Variants in SPMAP2L observed in about 807,000 individuals in gnomAD.
SPMAP2L encodes the protein sperm microtubule associated protein 2 like.
the SPMAP2L span, among the ~76,000 whole-genome samples, chr4:56,570,295 C>T: frequency 2.6e-5 from 4 of 152,240 alleles, no homozygotes; most frequent in Admixed American, 6.5e-5. Context: ...TACAGTTATG[C>T]GTTACTTAAT....
the SPMAP2L span, among the ~76,000 whole-genome samples, chr4:56,556,922 CA>C: frequency 6.6e-6 from 1 of 151,686 alleles, no homozygotes; most frequent in African/African-American, 2.4e-5. Context: ...AAGCCTGGAG[CA>C]CGTGCTATTG....
chr4:56,592,417 T>C, the SPMAP2L span, among the ~76,000 whole-genome samples: 3 of 152,222 alleles, frequency 2.0e-5, no homozygotes, highest in African/African-American at 7.2e-5. Context: ...CCTCAATGTC[T>C]TTAGTTTAAC....
chr4:56,563,688 C>T, the SPMAP2L span, among the ~76,000 whole-genome samples: 1 of 152,200 alleles, frequency 6.6e-6, no homozygotes, highest in Non-Finnish European at 1.5e-5. Flanking sequence ...CTGGAAAGGG[C>T]CAGATAGTAA....
At chr4:56,544,097 T>G in the SPMAP2L span, among the ~76,000 whole-genome samples, 1 of 152,034 alleles carries the variant, frequency 6.6e-6, no homozygotes, top group African/African-American at 2.4e-5. Flanking sequence ...CAAGTGATTC[T>G]CGTGCCTCAG....
At chr4:56,559,489 A>G in the SPMAP2L span, 1 of 1,531,236 alleles carries the variant, frequency 6.5e-7, no homozygotes, top group Middle Eastern at 1.7e-4. Flanking sequence ...TGCCCAGCCC[A>G]AGGAAGTTTC....
the SPMAP2L span, among the ~76,000 whole-genome samples, chr4:56,537,015 C>T: frequency 5.9e-5 from 9 of 152,156 alleles, 1 homozygote; most frequent in Admixed American, 5.9e-4. Context: ...CCGCTCACCT[C>T]AGCCTCACAA....
the SPMAP2L span, among the ~76,000 whole-genome samples, chr4:56,573,604 G>A: frequency 3.3e-5 from 5 of 152,240 alleles, no homozygotes; most frequent in South Asian, 8.3e-4. Context: ...ATTGTTCAAA[G>A]TCACCACTTC....
the SPMAP2L span, among the ~76,000 whole-genome samples, chr4:56,537,771 C>A: frequency 6.6e-6 from 1 of 151,948 alleles, no homozygotes; most frequent in Non-Finnish European, 1.5e-5. Flanking sequence ...CGGCTCACTA[C>A]AAGCTCCACC....
chr4:56,577,788 T>C, the SPMAP2L span, among the ~76,000 whole-genome samples: 1 of 152,146 alleles, frequency 6.6e-6, no homozygotes, highest in African/African-American at 2.4e-5. Context: ...AAAGGACAGT[T>C]ATCCTGGGCA....
the SPMAP2L span, among the ~76,000 whole-genome samples, chr4:56,543,062 T>C: frequency 6.6e-6 from 1 of 151,808 alleles, no homozygotes; most frequent in Non-Finnish European, 1.5e-5. Context: ...TACAATACAA[T>C]CACTATGTGG....
chr4:56,560,019 T>C, the SPMAP2L span, among the ~76,000 whole-genome samples: 2 of 152,232 alleles, frequency 1.3e-5, no homozygotes, highest in African/African-American at 2.4e-5. Context: ...CAAAATCTGA[T>C]ACTTAACTAT....
At chr4:56,594,505 CAG>C in the SPMAP2L span, 4 of 1,606,662 alleles carry the variant, frequency 2.5e-6, no homozygotes, top group African/African-American at 4.0e-5. Flanking sequence ...TCCAGCCAAA[CAG>C]GGGAGCCCAG....
At chr4:56,554,776 A>C in the SPMAP2L span, among the ~76,000 whole-genome samples, 1 of 150,780 alleles carries the variant, frequency 6.6e-6, no homozygotes, top group Admixed American at 6.6e-5. Context: ...GTGTTTTTCT[A>C]TGAAACTCCT....
the SPMAP2L span, among the ~76,000 whole-genome samples, chr4:56,607,995 G>GAAAAAAAAAAAA: frequency 3.7e-4 from 27 of 72,296 alleles, no homozygotes; most frequent in East Asian, 4.0e-4. Context: ...CCTGTCTCAA[G>GAAAAAAAAAAAA]AAAAAAAAAA....
the SPMAP2L span, among the ~76,000 whole-genome samples, chr4:56,551,543 T>C: frequency 1.3e-5 from 2 of 152,306 alleles, no homozygotes; most frequent in Admixed American, 1.3e-4. Context: ...TTCGATATGG[T>C]TTTGTCAACA....
the SPMAP2L span, among the ~76,000 whole-genome samples, chr4:56,557,013 C>T: frequency 6.6e-6 from 1 of 151,912 alleles, no homozygotes; most frequent in East Asian, 1.9e-4. Flanking sequence ...CTTTGAGAGG[C>T]CAAGGCGGGT....
At chr4:56,594,768 G>C in the SPMAP2L span, 2 of 1,512,090 alleles carry the variant, frequency 1.3e-6, no homozygotes, top group African/African-American at 2.7e-5. Flanking sequence ...TCCACCAATG[G>C]GGTGTTTGAA....
chr4:56,604,845 A>G, the SPMAP2L span, among the ~76,000 whole-genome samples: 18 of 152,162 alleles, frequency 1.2e-4, no homozygotes, highest in African/African-American at 4.3e-4. Flanking sequence ...AAATAATGGC[A>G]TTTGCAGCAA....
At chr4:56,596,840 G>A in the SPMAP2L span, among the ~76,000 whole-genome samples, 1 of 152,210 alleles carries the variant, frequency 6.6e-6, no homozygotes, top group Admixed American at 6.5e-5. Flanking sequence ...CAGTTTTGGA[G>A]CTGGATTCAA....
Sources: gnomAD v4.1 joint callset for allele counts (sites outside exome capture counted in the v4.1 genomes callset) on GRCh38, gnomAD v4.1.1 for gene constraint, MANE v1.5 for transcripts, NCBI Gene and HGNC (gene_info 2026-07-23, HGNC 2026-07-21) for gene names.